The following NBAS variants were observed in gnomAD, a reference collection of about 807,000 sequenced individuals.
The protein encoded by NBAS is NBAS subunit of NRZ tethering complex, also known as NAG/BC035112 fusion.
NBAS carries 219 observed loss-of-function variants against 302.5 expected under a neutral mutation model. The ratio of observed to expected loss-of-function variants is 0.72; its 90% CI spans 0.65 to 0.81. The LOEUF is 0.81. Ranked by LOEUF, NBAS falls within the 30% of genes least tolerant of loss-of-function variation. The pLI is 0.00. For missense variants in NBAS, 2,932 were observed against 2,841.6 expected (o/e 1.03, Z -0.72); for synonymous variants, 1,118 against 1,021.6 (o/e 1.09, Z -1.80).
At chr2:15,223,481 A>T (rs539648611) in intron 47 of NBAS, among the ~76,000 whole-genome samples, 51 of 152,314 alleles carry the variant, frequency 3.3e-4, no homozygotes, top group African/African-American at 1.2e-3. Context: ...AAGCAAGGAG[A>T]GGACTTAATG....
In NBAS at chr2:15,553,409, A is replaced by G. The variant is rs1292785547; in HGVS notation, c.335+17T>C. On this transcript the variant is annotated intron_variant, in intron 5 of 51. Transcript: ENST00000281513. Reference sequence around the variant, plus strand: ...TTCTCAAAGGAAATCTTGAATATGAATAATATTAACAATTACCTGATTTCC... The same window carrying G: ...TTCTCAAAGGAAATCTTGAATATGAGTAATATTAACAATTACCTGATTTCC... The G allele has an allele frequency of 6.3e-7, 1 of 1,592,108 alleles. No homozygotes were observed.
At chr2:15,234,423 C>T in intron 46 of NBAS, 122 bp downstream of exon 46, 1 of 977,034 alleles carries the variant, frequency 1.0e-6, no homozygotes, top group Non-Finnish European at 1.6e-6. Flanking sequence ...TAAAAATAAT[C>T]TCTCACTTTT....
At chr2:15,101,531 A>T in the NBAS span, among the ~76,000 whole-genome samples, 1 of 152,110 alleles carries the variant, frequency 6.6e-6, no homozygotes, top group Non-Finnish European at 1.5e-5. Flanking sequence ...AATTATAAAT[A>T]AACATATAGT....
chr2:14,936,044 T>C, the NBAS span, among the ~76,000 whole-genome samples: 1 of 152,182 alleles, frequency 6.6e-6, no homozygotes. Flanking sequence ...CTAATCTCCA[T>C]GCCATCTCCA....
At chr2:15,134,045 T>G in the NBAS span, among the ~76,000 whole-genome samples, 2 of 128,574 alleles carry the variant, frequency 1.6e-5, no homozygotes, top group Admixed American at 1.7e-4. Flanking sequence ...TGCACATACA[T>G]GAACATTTCT....
chr2:15,261,287 G>A (rs1178209830), intron 44 of NBAS, among the ~76,000 whole-genome samples: 5 of 152,172 alleles, frequency 3.3e-5, no homozygotes, highest in Non-Finnish European at 7.3e-5. Flanking sequence ...TCAGTGCTTA[G>A]TATAGCACGT....
At chr2:15,365,683 A>G (rs575600855) in intron 32 of NBAS, among the ~76,000 whole-genome samples, 43 of 152,314 alleles carry the variant, frequency 2.8e-4, no homozygotes, top group Admixed American at 8.5e-4. Context: ...CACACAGACT[A>G]GAAAAGGATA....
At chr2:15,080,247 T>C in the NBAS span, among the ~76,000 whole-genome samples, 1 of 152,186 alleles carries the variant, frequency 6.6e-6, no homozygotes, top group Admixed American at 6.5e-5. Context: ...ATCATGATGG[T>C]CAATTGTGCC....
chr2:14,911,857 A>G, the NBAS span, among the ~76,000 whole-genome samples: 2 of 152,224 alleles, frequency 1.3e-5, no homozygotes, highest in Non-Finnish European at 2.9e-5. Context: ...AGGGACAGTG[A>G]CACTACCTAA....
chr2:15,369,525 T>C (rs1334579639), intron 31 of NBAS, among the ~76,000 whole-genome samples: 1 of 152,226 alleles, frequency 6.6e-6, no homozygotes, highest in Non-Finnish European at 1.5e-5. Flanking sequence ...TTTACTTACG[T>C]ATTTTCTGAT....
At chr2:15,134,481 T>A in the NBAS span, among the ~76,000 whole-genome samples, 3,688 of 151,726 alleles carry the variant, frequency 0.024, 142 homozygotes, top group African/African-American at 0.081. Flanking sequence ...TGTCTCTCTC[T>A]CACACACACA....
At position 15,445,931 on chromosome 2, in the gene NBAS, G is replaced by T. The variant is rs147074787; in HGVS notation, c.2339+15270C>A. 4.9e-3 allele frequency among the ~76,000 whole-genome samples: 742 copies of T among 151,056 alleles called. 8 individuals are homozygous for T. The highest frequency in any genetic ancestry group is 0.017 in the African/African-American group (720 of 41,204). On this transcript the variant is annotated intron_variant, in intron 21 of 51. Coordinates refer to ENST00000281513, the MANE Select transcript of NBAS (RefSeq NM_015909.4). ...AGATTAAAAAAAAAATACACTGAAGGCATCAATTATAGACAAGTCAGAAGA... is the reference window on the plus strand; with the variant it reads ...AGATTAAAAAAAAAATACACTGAAGTCATCAATTATAGACAAGTCAGAAGA...
At chr2:14,912,702 TTAA>T in the NBAS span, among the ~76,000 whole-genome samples, 42 of 101,298 alleles carry the variant, frequency 4.1e-4, no homozygotes, top group African/African-American at 1.5e-3. Flanking sequence ...GCATTCATTT[TTAA>T]AAAAAAAAAA....
At chr2:15,197,199 C>G (rs1357258719) in intron 48 of NBAS, among the ~76,000 whole-genome samples, 1 of 152,102 alleles carries the variant, frequency 6.6e-6, no homozygotes, top group Non-Finnish European at 1.5e-5. Context: ...GTATAAGAGC[C>G]GTCACAATTT....
chr2:15,252,618 T>C (rs900471435), intron 44 of NBAS, among the ~76,000 whole-genome samples: 2 of 152,164 alleles, frequency 1.3e-5, no homozygotes, highest in Non-Finnish European at 2.9e-5. Context: ...AGGTGCTACC[T>C]ACAGAGTGAG....
At chr2:14,960,144 T>C in the NBAS span, among the ~76,000 whole-genome samples, 1 of 152,242 alleles carries the variant, frequency 6.6e-6, no homozygotes, top group African/African-American at 2.4e-5. Flanking sequence ...GATGAGGCTG[T>C]GCAGAGATTC....
At chr2:15,044,891 G>A in the NBAS span, among the ~76,000 whole-genome samples, 1 of 152,138 alleles carries the variant, frequency 6.6e-6, no homozygotes, top group Non-Finnish European at 1.5e-5. Flanking sequence ...CCTTCTGTTT[G>A]AAATAAAACA....
chr2:14,822,677 C>T, the NBAS span, among the ~76,000 whole-genome samples: 1 of 152,148 alleles, frequency 6.6e-6, no homozygotes, highest in East Asian at 1.9e-4. Flanking sequence ...TCCCATCACA[C>T]GGTGTAACCT....
At chr2:15,204,626 T>C (rs1233339309) in intron 48 of NBAS, among the ~76,000 whole-genome samples, 1 of 152,144 alleles carries the variant, frequency 6.6e-6, no homozygotes, top group Non-Finnish European at 1.5e-5. Flanking sequence ...CTACCAATGA[T>C]AGACTGGATT....
Sources: gnomAD v4.1 joint callset for allele counts (sites outside exome capture counted in the v4.1 genomes callset) on GRCh38, gnomAD v4.1.1 for gene constraint, MANE v1.5 for transcripts, NCBI Gene and HGNC (gene_info 2026-07-23, HGNC 2026-07-21) for gene names.